GLI1: variants seen among roughly 807,000 people sequenced by gnomAD.
The protein encoded by GLI1 is GLI family zinc finger 1.
GLI1 carries 51 observed loss-of-function variants against 87.8 expected under a neutral mutation model. The observed-to-expected ratio is 0.58, with a 90% CI of 0.46 to 0.73. The LOEUF (loss-of-function observed/expected upper bound fraction) is 0.73, where lower values mean the gene tolerates loss of function less well. Among genes scored for constraint, GLI1 ranks in the 30% least tolerant of loss-of-function variants. The pLI is 0.00. For synonymous variants in GLI1, 528 were observed against 558.2 expected (o/e 0.95, Z 0.76); for missense variants, 1,292 against 1,437.2 (o/e 0.90, Z 1.63).
Position 57,471,376 on chromosome 12 carries a change from C to G in GLI1, c.2636C>G (p.Pro879Arg). ...PPDYLPSEPR[P>R]CLDFDSPTHS... ...GATTATCTTCCTTCAGAACCCAGGC[C>G]TTGCCTGGACTTTGATTCCCCCACC... Residue 879 changes from proline (P) to arginine (R), a missense_variant, in exon 12 of 12, where the codon CCT becomes CGT. Around this residue, in one of 3 missense-constraint regions of GLI1, gnomAD observed 897 missense variants for 1,040.7 expected, o/e 0.86. Transcript: ENST00000228682. The surrounding 1 kb of genome is among the most constrained non-coding windows in gnomAD (Gnocchi z 4.9). The G allele has an allele frequency of 6.2e-7, 1 of 1,606,874 alleles. No homozygotes were observed. Among genetic ancestry groups the G allele is most frequent in the Non-Finnish European group, 8.5e-7 (1 of 1,175,810 alleles).
At chr12:57,469,301 G>A in intron 10 of GLI1, 130 bp from the exon 11 acceptor site, 2 of 850,636 alleles carry the variant, frequency 2.4e-6, no homozygotes, top group Non-Finnish European at 3.6e-6. Context: ...TCTCTTACCT[G>A]CTTAGCCCTT....
At chr12:57,466,059 T>C in intron 7 of GLI1, 134 bp downstream of exon 7, 1 of 1,069,582 alleles carries the variant, frequency 9.3e-7, no homozygotes, top group Non-Finnish European at 1.4e-6. Flanking sequence ...AGGCAGAAGC[T>C]CAGAAGTTGT....
At chr12:57,469,195 G>A (rs1042608998) in intron 10 of GLI1, among the ~76,000 whole-genome samples, 1 of 152,322 alleles carries the variant, frequency 6.6e-6, no homozygotes, top group South Asian at 2.1e-4. Context: ...AATAGCCCAA[G>A]GTCATAGAAC....
chr12:57,465,919 G>A lies in GLI1; in HGVS notation c.756G>A (p.Leu252=). The part of the protein sequence containing the change: ...CSQEFDSQEQ[L]VHHINSEHIH... ...AGGAATTTGACTCCCAAGAGCAGCT[G>A]GTGCACGTGAGCCCCAGGGGGTAAC... The change falls in exon 7 of 12, where the codon CTG becomes CTA. Residue 252 remains leucine (L), a synonymous_variant. Transcript: ENST00000228682. 1.2e-6 allele frequency: 2 copies of A among 1,613,860 alleles called. No homozygotes were observed. The highest frequency in any genetic ancestry group is 1.7e-6 in the Non-Finnish European group (2 of 1,179,754).
In GLI1 at chr12:57,471,082, G is replaced by T. The variant is rs780426081; in HGVS notation, c.2342G>T (p.Gly781Val). 1.2e-6 allele frequency: 2 copies of T among 1,613,250 alleles called. No individual in the cohort carries two copies. Among genetic ancestry groups the T allele is most frequent in the South Asian group, 1.1e-5 (1 of 90,988 alleles). The change falls in exon 12 of 12, where the codon GGT becomes GTT. Residue 781 changes from glycine to valine, a missense_variant. Physicochemically the swap from Gly to Val is moderately radical, Grantham distance 109 (BLOSUM62 -3). Around this residue, in one of 3 missense-constraint regions of GLI1, gnomAD observed 897 missense variants for 1,040.7 expected, o/e 0.86. Transcript: ENST00000228682. The surrounding 1 kb of genome is among the most constrained non-coding windows in gnomAD (Gnocchi z 4.9). ...CCTGACCCCACCCAAGAAACATGGGGTGAGTTCCCTTCCCACTCTGGGCTG... is the reference window on the plus strand; with the variant it reads ...CCTGACCCCACCCAAGAAACATGGGTTGAGTTCCCTTCCCACTCTGGGCTG... ...SYPDPTQETW[G>V]EFPSHSGLYP...
intron 5 of GLI1, 79 bp downstream of exon 5, chr12:57,465,334 G>A (rs754989600): frequency 5.4e-6 from 7 of 1,301,986 alleles, no homozygotes; most frequent in Non-Finnish European, 7.5e-6. Flanking sequence ...GAAAGGTGAA[G>A]GAAGGACAAG....
chr12:57,460,899 C>T (rs979018041), intron 1 of GLI1, among the ~76,000 whole-genome samples: 4 of 151,978 alleles, frequency 2.6e-5, no homozygotes, highest in Non-Finnish European at 5.9e-5. Flanking sequence ...TTGTCTTGAC[C>T]CTCTGACCTC....
Position 57,471,400 on chromosome 12 carries a change from C to T in GLI1, c.2660C>T (p.Thr887Ile). ...CCTTGCCTGGACTTTGATTCCCCCA[C>T]CCATTCCACAGGGCAGCTCAAGGCT... is the stretch of plus-strand genomic sequence containing the variant. ...PRPCLDFDSP[T>I]HSTGQLKAQL... is the part of the protein sequence containing the mutation. The change falls in exon 12 of 12, where the codon ACC becomes ATC. Residue 887 changes from threonine to isoleucine, a missense_variant. This residue lies in a region of GLI1 where 897 missense variants were observed against 1,040.7 expected (regional missense o/e 0.86). Coordinates refer to ENST00000228682, the MANE Select transcript of GLI1 (RefSeq NM_005269.3). The surrounding 1 kb of genome is among the most constrained non-coding windows in gnomAD (Gnocchi z 4.9). 1 of 1,613,400 alleles carries T rather than the reference C, an allele frequency of 6.2e-7. No individual in the cohort carries two copies. Among genetic ancestry groups the T allele is most frequent in the South Asian group, 1.1e-5 (1 of 91,044 alleles).
chr12:57,469,001 C>A (rs1031990785), intron 10 of GLI1, among the ~76,000 whole-genome samples: 4 of 152,174 alleles, frequency 2.6e-5, no homozygotes, highest in Non-Finnish European at 4.4e-5. Flanking sequence ...ATCTGCCCAC[C>A]TCGGCCTCCC....
intron 2 of GLI1, 100 bp from the exon 3 acceptor site, chr12:57,463,899 A>G: frequency 1.8e-6 from 2 of 1,097,026 alleles, no homozygotes; most frequent in Non-Finnish European, 2.8e-6. Flanking sequence ...TTGAGGCCCC[A>G]TGTCATATGG....
chr12:57,471,926 T>G lies in GLI1; in HGVS notation c.3186T>G (p.Pro1062=). 6.2e-7 allele frequency: 1 copy of G among 1,612,332 alleles called. No homozygotes were observed. Among genetic ancestry groups the G allele is most frequent in the Admixed American group, 1.7e-5 (1 of 59,740 alleles). ...ILDEPQGLSP[P]PSHDQRGSSG... ...ATGAGCCCCAGGGGCTGAGTCCTCC[T>G]CCTTCCCATGATCAGCGGGGCAGCT... is the stretch of plus-strand genomic sequence containing the variant. Residue 1062 remains proline (P), a synonymous_variant, in exon 12 of 12, where the codon CCT becomes CCG. Coordinates refer to ENST00000228682, the MANE Select transcript of GLI1 (RefSeq NM_005269.3). The surrounding 1 kb of genome is among the most constrained non-coding windows in gnomAD (Gnocchi z 4.9).
chr12:57,470,496 C>T lies in GLI1; in HGVS notation c.1756C>T (p.His586Tyr). The change falls in exon 12 of 12, where the codon CAC becomes TAC. Residue 586 changes from histidine (H) to tyrosine (Y), a missense_variant. Coordinates refer to ENST00000228682, the MANE Select transcript of GLI1 (RefSeq NM_005269.3). ...SSLPGLMPAQ[H>Y]YLLRARYASA... is the part of the protein sequence containing the mutation. ...CCTGCCTGGCCTTATGCCTGCCCAG[C>T]ACTACCTGCTTCGGGCAAGATATGC... is the stretch of plus-strand genomic sequence containing the variant. 6.2e-7 allele frequency: 1 copy of T among 1,613,994 alleles called. No homozygotes were observed. The highest frequency in any genetic ancestry group is 8.5e-7 in the Non-Finnish European group (1 of 1,179,908).
rs112581756 is a variant in GLI1 at position 57,466,143 on chromosome 12, G to C, written c.763-97G>C. On this transcript the variant is annotated intron_variant, in intron 7 of 11. Coordinates refer to ENST00000228682, the MANE Select transcript of GLI1 (RefSeq NM_005269.3). ...GCTCCTGCCTCTTCCTCCTTGAGGT[G>C]GAGTCGTGGAAGAGGAACAGGGGGT... 6.5e-4 allele frequency: 837 copies of C among 1,282,466 alleles called. 4 individuals are homozygous for C. The African/African-American group carries it at 0.011, about 17-fold the overall frequency. The allele number at this position is 1,282,466 out of a possible 1,614,324, so 79.4% of individuals were successfully genotyped here.
In GLI1 at chr12:57,463,724, T is replaced by C; in HGVS notation, c.33T>C (p.Ser11=). 2 of 1,612,696 alleles carry C rather than the reference T, an allele frequency of 1.2e-6. No individual in the cohort carries two copies. Among genetic ancestry groups the C allele is most frequent in the Non-Finnish European group, 1.7e-6 (2 of 1,179,690 alleles). The change falls in exon 2 of 12, where the codon AGT becomes AGC. Residue 11 remains serine (S), a synonymous_variant. Transcript: ENST00000228682. MFNSMTPPPI[S]SYGEPCCLRP... ...ACTCGATGACCCCACCACCAATCAGTAGCTATGGCGAGCCCTGCTGTCTCC... is the reference window on the plus strand; with the variant it reads ...ACTCGATGACCCCACCACCAATCAGCAGCTATGGCGAGCCCTGCTGTCTCC...
rs1328811148 is a variant in GLI1 at position 57,464,034 on chromosome 12, C to T, written c.136C>T (p.Leu46Phe). 9 of 1,613,948 alleles carry T rather than the reference C, an allele frequency of 5.6e-6. No individual in the cohort carries two copies. In the Admixed American group the frequency reaches 8.3e-5, roughly 15 times the overall value. The stretch of plus-strand genomic sequence containing the variant: ...CCCGCCCTTCTGCCACCAAGCTAAC[C>T]TCATGTCCGGCCCCCACAGTTATGG... The part of the protein sequence containing the change: ...SGPPFCHQAN[L>F]MSGPHSYGPA... The change falls in exon 3 of 12, where the codon CTC becomes TTC. Residue 46 changes from leucine to phenylalanine, a missense_variant. Leu to Phe is a conservative substitution (Grantham distance 22). This residue lies in a region of GLI1 where 383 missense variants were observed against 368.4 expected (regional missense o/e 1.04). Coordinates refer to ENST00000228682, the MANE Select transcript of GLI1 (RefSeq NM_005269.3).
chr12:57,468,841 G>A (rs987006588), intron 10 of GLI1, among the ~76,000 whole-genome samples: 7 of 151,878 alleles, frequency 4.6e-5, no homozygotes, highest in East Asian at 1.9e-4. Context: ...TGCAACCTCC[G>A]CCTCCCAGGT....
chr12:57,465,255 G>A lies in GLI1; in HGVS notation c.534G>A (p.Gln178=). ...PQSRGPFPTC[Q]LKSELDMLVG... ...CCCGGGGACCCTTCCCAACTTGCCA[G>A]GTGAGAGTCCCCATATTGCTACCTG... Residue 178 remains glutamine (Q), a splice_region_variant and synonymous_variant, in exon 5 of 12, where the codon CAG becomes CAA. Transcript: ENST00000228682. 1 of 1,607,212 alleles carries A rather than the reference G, an allele frequency of 6.2e-7. No homozygotes were observed. Among genetic ancestry groups the A allele is most frequent in the Non-Finnish European group, 8.5e-7 (1 of 1,176,926 alleles).
intron 1 of GLI1, among the ~76,000 whole-genome samples, chr12:57,461,346 T>G (rs1166265146): frequency 6.6e-6 from 1 of 151,634 alleles, no homozygotes; most frequent in Non-Finnish European, 1.5e-5. Context: ...CACCATTATC[T>G]CCCTGGCATC....
At chr12:57,467,799 C>T (rs913276859) in intron 9 of GLI1, among the ~76,000 whole-genome samples, 195 bp from the exon 10 acceptor site, 1 of 152,170 alleles carries the variant, frequency 6.6e-6, no homozygotes, top group Non-Finnish European at 1.5e-5. Context: ...CTCATCTTTC[C>T]CAGGCTGTCA....
Sources: allele counts gnomAD v4.1 joint callset (sites outside exome capture counted in the v4.1 genomes callset), GRCh38; gene constraint gnomAD v4.1.1; regional missense constraint gnomAD v4.1.1; non-coding constraint Gnocchi (gnomAD v3.1); transcripts MANE v1.5; gene names NCBI Gene and HGNC (gene_info 2026-07-23, HGNC 2026-07-21).